Variants in PTPRT observed in about 807,000 individuals in gnomAD.
PTPRT encodes the protein receptor-type tyrosine-protein phosphatase T.
In PTPRT, 56 loss-of-function variants were observed where a neutral mutation model predicts 176.8. The observed-to-expected ratio is 0.32, with a 90% confidence interval of 0.26 to 0.40. The LOEUF is 0.40. PTPRT is among the 10% of genes least tolerant of loss of function. PTPRT has a pLI of 1.00. For missense variants in PTPRT, 1,540 were observed against 1,908.2 expected (o/e 0.81, Z 3.60); for synonymous variants, 783 against 739.0 (o/e 1.06, Z -0.96).
intron 9 of PTPRT, among the ~76,000 whole-genome samples, chr20:42,355,930 C>T (rs1027362730): frequency 3.3e-5 from 5 of 152,174 alleles, no homozygotes; most frequent in Non-Finnish European, 7.3e-5. Flanking sequence ...CTCTCCTAAC[C>T]TTTCCTGGTA....
At chr20:43,020,092 A>ATGTG (rs143435604) in intron 1 of PTPRT, among the ~76,000 whole-genome samples, 24,780 of 140,998 alleles carry the variant, frequency 0.18, 2,814 homozygotes, top group Non-Finnish European at 0.26. Context: ...GTGAGTGTGT[A>ATGTG]TGTGTGTGTG....
intron 8 of PTPRT, among the ~76,000 whole-genome samples, chr20:42,463,060 CAGCAAAATCAGG>C (rs887239368): frequency 6.6e-6 from 1 of 152,110 alleles, no homozygotes; most frequent in Non-Finnish European, 1.5e-5. Context: ...CATCTTTAAG[CAGCAAAATCAGG>C]ATGTCTCACC....
chr20:42,793,548 T>C (rs2077407742), intron 2 of PTPRT, among the ~76,000 whole-genome samples: 1 of 152,208 alleles, frequency 6.6e-6, no homozygotes, highest in South Asian at 2.1e-4. Flanking sequence ...AAGGAGCCAC[T>C]GGAAGTGGAA....
chr20:42,054,957 G>C, the PTPRT span, among the ~76,000 whole-genome samples: 5 of 152,194 alleles, frequency 3.3e-5, no homozygotes, highest in African/African-American at 1.2e-4. Context: ...ATACACTGTA[G>C]AAAAGGAATC....
chr20:43,127,317 G>A (rs1010670831), intron 1 of PTPRT, among the ~76,000 whole-genome samples: 2 of 151,874 alleles, frequency 1.3e-5, no homozygotes, highest in Admixed American at 6.6e-5. Flanking sequence ...CAGCTACTCG[G>A]GAGGCTGAGG....
intron 24 of PTPRT, among the ~76,000 whole-genome samples, chr20:42,105,387 T>C (rs1367542108): frequency 6.6e-6 from 1 of 152,220 alleles, no homozygotes; most frequent in Admixed American, 6.5e-5. Context: ...AAACGTGTCA[T>C]ATCTTCTCCT....
chr20:42,805,217 C>T (rs2077588225), intron 2 of PTPRT, among the ~76,000 whole-genome samples: 1 of 152,192 alleles, frequency 6.6e-6, no homozygotes, highest in South Asian at 2.1e-4. Context: ...GACAGCCACA[C>T]ATGTCTTGAG....
At chr20:43,161,305 A>G (rs926680949) in intron 1 of PTPRT, among the ~76,000 whole-genome samples, 3 of 152,184 alleles carry the variant, frequency 2.0e-5, no homozygotes, top group Non-Finnish European at 2.9e-5. Flanking sequence ...GTAGGCAAAC[A>G]TGTAAATGAG....
chr20:42,819,399 A>C (rs754464537), intron 2 of PTPRT, among the ~76,000 whole-genome samples: 1 of 152,256 alleles, frequency 6.6e-6, no homozygotes, highest in Non-Finnish European at 1.5e-5. Flanking sequence ...ATCCTGAAAG[A>C]AGCACTGAAT....
intron 9 of PTPRT, among the ~76,000 whole-genome samples, chr20:42,416,253 G>A (rs549266336): frequency 1.3e-5 from 2 of 152,258 alleles, no homozygotes; most frequent in African/African-American, 2.4e-5. Context: ...CACAAGGGAA[G>A]CCAAGGGTCA....
chr20:42,931,734 G>A (rs1979865294), intron 1 of PTPRT, among the ~76,000 whole-genome samples: 1 of 152,194 alleles, frequency 6.6e-6, no homozygotes, highest in African/African-American at 2.4e-5. Context: ...CACAGCGTAG[G>A]CGCTCAACAA....
chr20:42,071,833 AC>A (rs1253398045), downstream of PTPRT, among the ~76,000 whole-genome samples: 1 of 151,334 alleles, frequency 6.6e-6, no homozygotes, highest in Admixed American at 6.6e-5. Context: ...ATTTGTTTGA[AC>A]TTTTTGTGGA....
At chr20:42,054,968 G>A in the PTPRT span, among the ~76,000 whole-genome samples, 2 of 152,196 alleles carry the variant, frequency 1.3e-5, no homozygotes, top group South Asian at 4.1e-4. Context: ...AAAAGGAATC[G>A]TTTTAAAGAA....
chr20:42,289,666 TTGA>T (rs1253406215), intron 12 of PTPRT, among the ~76,000 whole-genome samples: 1 of 152,086 alleles, frequency 6.6e-6, no homozygotes, highest in East Asian at 1.9e-4. Flanking sequence ...GAATACTCTG[TTGA>T]TGATATTGTA....
intron 7 of PTPRT, among the ~76,000 whole-genome samples, chr20:42,577,969 G>A (rs6016833): frequency 0.48 from 67,676 of 140,122 alleles, 17,382 homozygotes; most frequent in South Asian, 0.55. Context: ...GTGTGTGTGT[G>A]TAGGCATACC....
At chr20:42,540,006 T>C (rs1227356021) in intron 7 of PTPRT, among the ~76,000 whole-genome samples, 1 of 152,114 alleles carries the variant, frequency 6.6e-6, no homozygotes, top group East Asian at 1.9e-4. Context: ...GTCAACAAAA[T>C]TCCCTAGATG....
At chr20:42,298,849 A>G (rs2145298770) in intron 12 of PTPRT, among the ~76,000 whole-genome samples, 1 of 152,190 alleles carries the variant, frequency 6.6e-6, no homozygotes, top group East Asian at 1.9e-4. Flanking sequence ...GGAACCCAGG[A>G]GGGGGAGGTT....
intron 16 of PTPRT, among the ~76,000 whole-genome samples, chr20:42,193,473 A>G (rs1469483975): frequency 1.3e-5 from 2 of 152,246 alleles, no homozygotes; most frequent in African/African-American, 4.8e-5. Context: ...TACCATCCAC[A>G]GTAGAGGAGA....
intron 1 of PTPRT, among the ~76,000 whole-genome samples, chr20:43,076,004 T>A (rs1347784153): frequency 1.3e-5 from 2 of 152,196 alleles, no homozygotes; most frequent in Admixed American, 1.3e-4. Flanking sequence ...AGGCTTAATT[T>A]TATCAAATTT....
Sources: gnomAD v4.1 joint callset for allele counts (sites outside exome capture counted in the v4.1 genomes callset) on GRCh38, gnomAD v4.1.1 for gene constraint, MANE v1.5 for transcripts, NCBI Gene and HGNC (gene_info 2026-07-23, HGNC 2026-07-21) for gene names.